The following EFCAB6 variants were observed in gnomAD, a reference collection of about 807,000 sequenced individuals.
The protein encoded by EFCAB6 is EF-hand calcium binding domain 6, also known as EF-hand calcium-binding domain-containing protein 6.
EFCAB6 carries 156 observed loss-of-function variants against 169.8 expected under a neutral mutation model. The observed-to-expected ratio is 0.92, with a 90% CI of 0.81 to 1.05. The LOEUF is 1.05. Among genes scored for constraint, EFCAB6 ranks in the 50% least tolerant of loss-of-function variants. The pLI is 0.00. For synonymous variants in EFCAB6, 698 were observed against 676.4 expected (o/e 1.03, Z -0.50); for missense variants, 1,800 against 1,829.1 (o/e 0.98, Z 0.29).
chr22:43,539,770 C>T (rs756053793), intron 28 of EFCAB6, among the ~76,000 whole-genome samples: 4 of 152,212 alleles, frequency 2.6e-5, no homozygotes, highest in Admixed American at 6.5e-5. Context: ...CTTCAAGGGA[C>T]GGTGGCCCGC....
At chr22:43,759,499 T>C (rs1036771071) in intron 5 of EFCAB6, 1 of 152,224 alleles carries the variant, frequency 6.6e-6, no homozygotes, top group Non-Finnish European at 1.5e-5. Context: ...TCTCCGTCCA[T>C]ATGTAGAAAT....
chr22:43,634,191 C>T (rs562876951), intron 18 of EFCAB6, among the ~76,000 whole-genome samples: 2 of 152,328 alleles, frequency 1.3e-5, no homozygotes, highest in African/African-American at 2.4e-5. Flanking sequence ...GCAGGTGGGA[C>T]ACACTCACTA....
At chr22:43,648,832 T>G (rs931968537) in intron 17 of EFCAB6, among the ~76,000 whole-genome samples, 10 of 152,204 alleles carry the variant, frequency 6.6e-5, no homozygotes, top group African/African-American at 2.2e-4. Flanking sequence ...TTTATAAAAT[T>G]GATTCATGCA....
intron 11 of EFCAB6, 50 bp downstream of exon 11, chr22:43,687,421 T>C (rs2058239398): frequency 9.2e-7 from 1 of 1,085,162 alleles, no homozygotes; most frequent in African/African-American, 1.6e-5. Flanking sequence ...ATATTTTACA[T>C]ATTATGATAT....
At chr22:43,654,810 T>C (rs116200415) in intron 17 of EFCAB6, among the ~76,000 whole-genome samples, 27 of 152,276 alleles carry the variant, frequency 1.8e-4, no homozygotes, top group Admixed American at 4.6e-4. Context: ...ACATTTGCAT[T>C]TAAAGTACAA....
At chr22:43,743,679 T>C (rs2060450900) in intron 6 of EFCAB6, among the ~76,000 whole-genome samples, 4 of 152,122 alleles carry the variant, frequency 2.6e-5, no homozygotes, top group South Asian at 2.1e-4. Flanking sequence ...CACACACCCA[T>C]GTCAGGGAAT....
Position 43,599,940 on chromosome 22 carries a change from G to A in EFCAB6, c.2876+129C>T. The A allele has an allele frequency of 2.8e-6, 3 of 1,069,770 alleles. No individual in the cohort carries two copies. The South Asian group carries it at 4.7e-5, about 17-fold the overall frequency. 66.3% of individuals were successfully genotyped at this position (1,069,770 alleles called of 1,614,324 possible). A position where few individuals can be genotyped will look rare whatever the true frequency, so the allele number is the denominator to read the frequency against. ...ACCAATTTCTAGAATCGACAACTGT[G>A]AACAAGCACGATCATTTCCCTGTAA... On this transcript the variant is annotated intron_variant, in intron 23 of 31. Transcript: ENST00000262726.
Position 43,585,538 on chromosome 22 carries a change from GCAAA to G in EFCAB6, c.3032+4532_3032+4535del, listed in dbSNP as rs567652080. Reference sequence around the variant, plus strand: ...ATACCAGAAAGAGAAAGAGAAATAAGCAAACAAACAAAGAAACAAAACAAGAGAA... The same window carrying G: ...ATACCAGAAAGAGAAAGAGAAATAAGCAAACAAAGAAACAAAACAAGAGAA... On this transcript the variant is annotated intron_variant, in intron 24 of 31. Coordinates refer to ENST00000262726, the MANE Select transcript of EFCAB6 (RefSeq NM_022785.4). Among the ~76,000 whole-genome samples the G allele has an allele frequency of 2.7e-3, 411 of 152,150 alleles. 2 individuals are homozygous for G. The highest frequency in any genetic ancestry group is 9.1e-3 in the African/African-American group (380 of 41,532).
chr22:43,544,856 G>A lies in EFCAB6; in HGVS notation c.3649-4499C>T, dbSNP rs185954524. On this transcript the variant is annotated intron_variant, in intron 27 of 31. Coordinates refer to ENST00000262726, the MANE Select transcript of EFCAB6 (RefSeq NM_022785.4). The stretch of plus-strand genomic sequence containing the variant: ...AGATATTCAGTGCTGGGTGCAGTGG[G>A]TCACACCTGTAATCCCAGCACTTTG... Among the ~76,000 whole-genome samples, 790 of 152,114 alleles carry A rather than the reference G, an allele frequency of 5.2e-3. 4 individuals carry two copies. Among genetic ancestry groups the A allele is most frequent in the Middle Eastern group, 0.041 (12 of 294 alleles).
intron 8 of EFCAB6, among the ~76,000 whole-genome samples, chr22:43,718,784 A>C (rs2059422027): frequency 6.6e-6 from 1 of 152,162 alleles, no homozygotes; most frequent in African/African-American, 2.4e-5. Context: ...CACCTCAAAT[A>C]ACCGTAATAA....
chr22:43,662,287 A>T (rs907923734), intron 17 of EFCAB6, among the ~76,000 whole-genome samples: 5 of 152,048 alleles, frequency 3.3e-5, no homozygotes, highest in Non-Finnish European at 7.3e-5. Context: ...AGGGACTTGG[A>T]TCTGGGGACC....
rs915989596 is a variant in EFCAB6 at position 43,600,276 on chromosome 22, A to G, written c.2682-13T>C. 8.7e-6 allele frequency: 14 copies of G among 1,612,822 alleles called. No individual in the cohort carries two copies. The highest frequency in any genetic ancestry group is 1.2e-5 in the Non-Finnish European group (14 of 1,179,468). On this transcript the variant is annotated splice_polypyrimidine_tract_variant and intron_variant, in intron 22 of 31. Transcript: ENST00000262726. ...CTCGGTGTCGTATCTTAAAACAAAAACAAAAACAGAAAGCACTTCTCAGTA... is the reference window on the plus strand; with the variant it reads ...CTCGGTGTCGTATCTTAAAACAAAAGCAAAAACAGAAAGCACTTCTCAGTA...
At position 43,667,124 on chromosome 22, in the gene EFCAB6, T is replaced by G. The variant is rs1373431516; in HGVS notation, c.1963A>C (p.Asn655His). Residue 655 changes from asparagine to histidine, a missense_variant, in exon 17 of 32, where the codon AAC becomes CAC. Physicochemically the swap from Asn to His is moderately conservative, Grantham distance 68 (BLOSUM62 1). Transcript: ENST00000262726. ...DFSKEPNGKI[N>H]VHDFKKVLED... The stretch of plus-strand genomic sequence containing the variant: ...CCTACCTTCTTAAAGTCATGCACGT[T>G]AATTTTTCCATTAGGCTCCTTGCTG... The G allele has an allele frequency of 1.2e-6, 2 of 1,613,974 alleles. No homozygotes were observed. The highest frequency in any genetic ancestry group is 1.7e-5 in the Admixed American group (1 of 59,964).
intron 2 of EFCAB6, among the ~76,000 whole-genome samples, chr22:43,785,125 A>T (rs2062028287): frequency 6.6e-6 from 1 of 152,186 alleles, no homozygotes; most frequent in Admixed American, 6.5e-5. Context: ...TAGAATAACT[A>T]GACAGAAGAT....
At chr22:43,672,443 C>G in intron 13 of EFCAB6, 138 bp from the exon 14 acceptor site, 1 of 815,716 alleles carries the variant, frequency 1.2e-6, no homozygotes, top group East Asian at 2.7e-5. Context: ...AACAACGGAG[C>G]TTGCCCTCTA....
chr22:43,738,249 T>C (rs992138058), intron 6 of EFCAB6, among the ~76,000 whole-genome samples: 3 of 145,236 alleles, frequency 2.1e-5, no homozygotes, highest in African/African-American at 5.2e-5. Flanking sequence ...CACACACACA[T>C]ATATTCACTC....
intron 7 of EFCAB6, among the ~76,000 whole-genome samples, chr22:43,732,302 T>C (rs1008502219): frequency 6.6e-6 from 1 of 151,944 alleles, no homozygotes; most frequent in African/African-American, 2.4e-5. Context: ...GCATATCCTT[T>C]CTCTAGAGAG....
At chr22:43,632,577 G>C (rs190368003) in intron 18 of EFCAB6, among the ~76,000 whole-genome samples, 1 of 152,326 alleles carries the variant, frequency 6.6e-6, no homozygotes, top group East Asian at 1.9e-4. Context: ...TGGGATTATA[G>C]GCGTGAGCCA....
At position 43,608,510 on chromosome 22, in the gene EFCAB6, G is replaced by T; in HGVS notation, c.2653C>A (p.Pro885Thr). 1 of 1,614,144 alleles carries T rather than the reference G, an allele frequency of 6.2e-7. No individual in the cohort carries two copies. The change falls in exon 22 of 32, where the codon CCA (proline) becomes ACA (threonine). Residue 885 changes from proline (P) to threonine (T), a missense_variant. By Grantham distance (38) the Pro-to-Thr change is conservative (BLOSUM62 -1). Transcript: ENST00000262726. ...GCCCAAAGCTTTTCAAACTCTCTTGGTGTGAGGGGAATATCAAAACCGTAC... is the reference window on the plus strand; with the variant it reads ...GCCCAAAGCTTTTCAAACTCTCTTGTTGTGAGGGGAATATCAAAACCGTAC... ...ALYGFDIPLT[P>T]REFEKLWARY...
Sources: gnomAD v4.1 joint callset for allele counts (sites outside exome capture counted in the v4.1 genomes callset) on GRCh38, gnomAD v4.1.1 for gene constraint, MANE v1.5 for transcripts, NCBI Gene and HGNC (gene_info 2026-07-23, HGNC 2026-07-21) for gene names.